RASAL2: variants seen among roughly 807,000 people sequenced by gnomAD.
RASAL2 encodes the protein ras GTPase-activating protein nGAP.
Under a neutral mutation model 128.9 loss-of-function variants are expected in RASAL2, and 58 were observed. The ratio of observed to expected loss-of-function variants is 0.45; its 90% CI spans 0.36 to 0.56. The LOEUF (loss-of-function observed/expected upper bound fraction) is 0.56. RASAL2 is among the 20% of genes least tolerant of loss of function. RASAL2 has a pLI of 0.00. For missense variants in RASAL2, 1,360 were observed against 1,601.6 expected (o/e 0.85, Z 2.57); for synonymous variants, 561 against 580.8 (o/e 0.97, Z 0.49).
intron 1 of RASAL2, among the ~76,000 whole-genome samples, chr1:178,144,539 T>G (rs1329415336): frequency 6.6e-6 from 1 of 152,218 alleles, no homozygotes; most frequent in Non-Finnish European, 1.5e-5. Flanking sequence ...ACGTAGTTGG[T>G]AATCTCTAAG....
In RASAL2 at chr1:178,251,362, G is replaced by A. The variant is rs74843746; in HGVS notation, c.203-32202G>A. On this transcript the variant is annotated intron_variant, in intron 1 of 17. Coordinates refer to ENST00000367649, the MANE Select transcript of RASAL2 (RefSeq NM_170692.4). ...CTAGCAATCCAAAATTACTGTATATGTGCAATGTGGGAGTGTTGATGCTTC... is the reference window on the plus strand; with the variant it reads ...CTAGCAATCCAAAATTACTGTATATATGCAATGTGGGAGTGTTGATGCTTC... 1.9e-3 allele frequency among the ~76,000 whole-genome samples: 284 copies of A among 152,256 alleles called. 2 individuals carry two copies. In the East Asian group the frequency reaches 0.027, roughly 15 times the overall value.
chr1:178,175,527 A>G (rs1486382301), intron 1 of RASAL2, among the ~76,000 whole-genome samples: 2 of 150,836 alleles, frequency 1.3e-5, no homozygotes, highest in African/African-American at 4.9e-5. Flanking sequence ...TACTTAATTT[A>G]CTTCTTTTAA....
chr1:178,169,127 A>G (rs1219128370), intron 1 of RASAL2, among the ~76,000 whole-genome samples: 1 of 151,688 alleles, frequency 6.6e-6, no homozygotes, highest in East Asian at 1.9e-4. Context: ...TTCCTTTAAA[A>G]ATGTACCATT....
At chr1:178,272,051 A>G (rs1666284127) in intron 1 of RASAL2, among the ~76,000 whole-genome samples, 1 of 152,134 alleles carries the variant, frequency 6.6e-6, no homozygotes, top group South Asian at 2.1e-4. Context: ...GAATGTTCTC[A>G]CAGCACCCTA....
At chr1:178,159,890 G>A (rs1476960610) in intron 1 of RASAL2, among the ~76,000 whole-genome samples, 2 of 152,064 alleles carry the variant, frequency 1.3e-5, no homozygotes, top group Non-Finnish European at 2.9e-5. Flanking sequence ...GGGCGACAGA[G>A]CAAGACTCTG....
In RASAL2 at chr1:178,457,765, G is replaced by A. The variant is rs769933312; in HGVS notation, c.2473G>A (p.Ala825Thr). 6.2e-7 allele frequency: 1 copy of A among 1,614,072 alleles called. No homozygotes were observed. The highest frequency in any genetic ancestry group is 1.3e-5 in the African/African-American group (1 of 74,932). ...RGKTLLLVQQASSQSMTYSEK... is the reference protein window; with the variant it reads ...RGKTLLLVQQTSSQSMTYSEK... ...GAAAACATTATTGCTGGTTCAGCAA[G>A]CCTCCTCTCAGAGCATGACTTATTC... Residue 825 changes from alanine (A) to threonine (T), a missense_variant, in exon 14 of 18, where the codon GCC becomes ACC. By Grantham distance (58) the Ala-to-Thr change is moderately conservative (BLOSUM62 0). This residue lies in a region of RASAL2 where 741 missense variants were observed against 868.6 expected (regional missense o/e 0.85). Coordinates refer to ENST00000367649, the MANE Select transcript of RASAL2 (RefSeq NM_170692.4).
chr1:178,216,641 A>G (rs1558120398), intron 1 of RASAL2, among the ~76,000 whole-genome samples: 1 of 152,088 alleles, frequency 6.6e-6, no homozygotes, highest in Admixed American at 6.6e-5. Flanking sequence ...ATTGGTTATC[A>G]GTTTGTTTGT....
At chr1:178,286,431 A>C (rs939536403) in intron 2 of RASAL2, among the ~76,000 whole-genome samples, 2 of 137,284 alleles carry the variant, frequency 1.5e-5, no homozygotes, top group Non-Finnish European at 3.0e-5. Context: ...TTTTTTTGAG[A>C]TGGAGTCTCT....
At chr1:178,284,533 T>A (rs1430054004) in intron 2 of RASAL2, among the ~76,000 whole-genome samples, 1 of 152,230 alleles carries the variant, frequency 6.6e-6, no homozygotes, top group South Asian at 2.1e-4. Context: ...GTTCTAGGTG[T>A]ACTTTCTGTT....
rs74564609 is a variant in RASAL2 at position 178,104,107 on chromosome 1, C to T, written c.202+9413C>T. On this transcript the variant is annotated intron_variant, in intron 1 of 17. Transcript: ENST00000367649. ...TTCTCTCTTGGTTTATCTAGTACTT[C>T]GTTGGTTTTATTTTTTACATTCAAA... Among the ~76,000 whole-genome samples, 295 of 152,100 alleles carry T rather than the reference C, an allele frequency of 1.9e-3. 3 individuals are homozygous for T. The highest frequency in any genetic ancestry group is 0.013 in the East Asian group (65 of 5,182).
At position 178,324,397 on chromosome 1, in the gene RASAL2, C is replaced by G. The variant is rs372730385; in HGVS notation, c.457+24279C>G. 3.9e-4 allele frequency among the ~76,000 whole-genome samples: 58 copies of G among 149,952 alleles called. No individual in the cohort carries two copies. The East Asian group carries it at 0.011, about 28-fold the overall frequency. ...CTGCACTCCAGCCTGGGTGACAGAG[C>G]AAGACTCGATCTCTAGGAAAAAAAA... is the stretch of plus-strand genomic sequence containing the variant. On this transcript the variant is annotated intron_variant, in intron 3 of 17. Coordinates refer to ENST00000367649, the MANE Select transcript of RASAL2 (RefSeq NM_170692.4).
chr1:178,188,264 C>A (rs1203796015), intron 1 of RASAL2, among the ~76,000 whole-genome samples: 1 of 152,168 alleles, frequency 6.6e-6, no homozygotes, highest in African/African-American at 2.4e-5. Context: ...CTCAGTCTCC[C>A]TAAACTCCCA....
chr1:178,260,090 C>T (rs763443551), intron 1 of RASAL2, among the ~76,000 whole-genome samples: 2 of 151,432 alleles, frequency 1.3e-5, no homozygotes, highest in Non-Finnish European at 2.9e-5. Flanking sequence ...CGTTGGCTCA[C>T]GCCTGTAATC....
intron 3 of RASAL2, among the ~76,000 whole-genome samples, chr1:178,343,591 TG>T (rs1187643694): frequency 2.0e-5 from 3 of 152,222 alleles, no homozygotes; most frequent in Non-Finnish European, 2.9e-5. Context: ...GTATATTTTC[TG>T]ATGCCAGAAA....
At chr1:178,461,611 A>G (rs1678206167) in intron 14 of RASAL2, among the ~76,000 whole-genome samples, 1 of 152,160 alleles carries the variant, frequency 6.6e-6, no homozygotes, top group Non-Finnish European at 1.5e-5. Flanking sequence ...ATGTACTCTA[A>G]TCTTAGAAAT....
At chr1:178,236,063 T>TA (rs1393728809) in intron 1 of RASAL2, among the ~76,000 whole-genome samples, 1 of 152,188 alleles carries the variant, frequency 6.6e-6, no homozygotes. Context: ...AGTATTTTTT[T>TA]AATGCTCATT....
At chr1:178,440,643 C>A (rs1336478852) in intron 6 of RASAL2, among the ~76,000 whole-genome samples, 6 of 152,092 alleles carry the variant, frequency 3.9e-5, no homozygotes, top group African/African-American at 1.2e-4. Context: ...TTATAAAAAT[C>A]AGTTGAACTT....
In RASAL2 at chr1:178,425,887, G is replaced by A. The variant is rs181542359; in HGVS notation, c.674+5267G>A. On this transcript the variant is annotated intron_variant, in intron 5 of 17. Coordinates refer to ENST00000367649, the MANE Select transcript of RASAL2 (RefSeq NM_170692.4). ...ATATATTGGTGGGCCCAATAATATA[G>A]GACTCTGTTCTTAAGGAAAGAGAGA... Among the ~76,000 whole-genome samples the A allele has an allele frequency of 7.2e-4, 109 of 152,216 alleles. 2 individuals are homozygous for A. Among genetic ancestry groups the A allele is most frequent in the Non-Finnish European group, 4.4e-5 (3 of 68,012 alleles).
intron 3 of RASAL2, among the ~76,000 whole-genome samples, chr1:178,363,710 A>G (rs1261801600): frequency 6.6e-6 from 1 of 152,226 alleles, no homozygotes; most frequent in Non-Finnish European, 1.5e-5. Flanking sequence ...AGCATTGACT[A>G]ATGTTCAGTG....
Sources: allele counts gnomAD v4.1 joint callset (sites outside exome capture counted in the v4.1 genomes callset), GRCh38; gene constraint gnomAD v4.1.1; regional missense constraint gnomAD v4.1.1; transcripts MANE v1.5; gene names NCBI Gene and HGNC (gene_info 2026-07-23, HGNC 2026-07-21).